TMEM182: variants seen among roughly 807,000 people sequenced by gnomAD.
TMEM182 encodes the protein transmembrane protein 182.
Under a neutral mutation model 26.8 loss-of-function variants are expected in TMEM182, and 20 were observed. The observed-to-expected ratio is 0.75, with a 90% CI of 0.53 to 1.09. TMEM182 has a LOEUF of 1.09. Among genes scored for constraint, TMEM182 ranks in the 50% least tolerant of loss-of-function variants. The pLI is 0.00. For missense variants in TMEM182, 277 were observed against 275.5 expected (o/e 1.01, Z -0.04); for synonymous variants, 109 against 102.2 (o/e 1.07, Z -0.40).
At chr2:102,807,500 A>G (rs1288147311) in intron 4 of TMEM182, among the ~76,000 whole-genome samples, 1 of 152,260 alleles carries the variant, frequency 6.6e-6, no homozygotes, top group Non-Finnish European at 1.5e-5. Flanking sequence ...CAAAAACACA[A>G]TTTTAAATCA....
intron 3 of TMEM182, among the ~76,000 whole-genome samples, chr2:102,841,813 A>G (rs946380266): frequency 2.6e-5 from 4 of 152,214 alleles, no homozygotes; most frequent in African/African-American, 7.2e-5. Flanking sequence ...ACTTGATGGC[A>G]TGGAAAGAAT....
chr2:102,758,542 A>G, upstream of TMEM182: 1 of 715,088 alleles, frequency 1.4e-6, no homozygotes, highest in Non-Finnish European at 2.6e-6. Flanking sequence ...GTTTGAAAAC[A>G]TCTGTACAGG....
At chr2:102,841,599 A>G (rs1683352130) in intron 3 of TMEM182, among the ~76,000 whole-genome samples, 1 of 152,248 alleles carries the variant, frequency 6.6e-6, no homozygotes, top group Non-Finnish European at 1.5e-5. Context: ...TGCTGTGAGC[A>G]TGCGGTGTCT....
chr2:102,748,041 G>A (rs1679767692), intron 1 of TMEM182, among the ~76,000 whole-genome samples: 1 of 152,154 alleles, frequency 6.6e-6, no homozygotes, highest in Non-Finnish European at 1.5e-5. Context: ...TGACTTAGAG[G>A]CCCATGCCCC....
chr2:102,794,310 AT>A (rs1210803125), intron 3 of TMEM182, among the ~76,000 whole-genome samples: 1 of 152,170 alleles, frequency 6.6e-6, no homozygotes, highest in African/African-American at 2.4e-5. Context: ...TATTATGCTG[AT>A]TTTTTAAATT....
chr2:102,839,782 C>T (rs1351199831), intron 3 of TMEM182, among the ~76,000 whole-genome samples: 4 of 152,108 alleles, frequency 2.6e-5, no homozygotes, highest in Non-Finnish European at 5.9e-5. Flanking sequence ...TGATGAATTG[C>T]CAAGGTGGTG....
intron 4 of TMEM182, among the ~76,000 whole-genome samples, chr2:102,810,227 G>A (rs897337506): frequency 4.6e-5 from 7 of 151,842 alleles, no homozygotes; most frequent in Non-Finnish European, 7.4e-5. Flanking sequence ...TTCATTTCTC[G>A]GGCTAAATTT....
intron 3 of TMEM182, among the ~76,000 whole-genome samples, chr2:102,794,636 C>T (rs1681791848): frequency 1.3e-5 from 2 of 152,160 alleles, no homozygotes; most frequent in Admixed American, 1.3e-4. Context: ...TTTTGGCTTC[C>T]ATCATTCTTG....
chr2:102,762,531 G>T, intron 1 of TMEM182, 56 bp from the exon 2 acceptor site: 7 of 1,571,972 alleles, frequency 4.5e-6, no homozygotes, highest in Non-Finnish European at 6.1e-6. Context: ...TGGCTGTAAT[G>T]ATTTTGATTA....
downstream of TMEM182, among the ~76,000 whole-genome samples, chr2:102,819,532 C>T (rs965613987): frequency 3.3e-5 from 5 of 151,992 alleles, no homozygotes; most frequent in African/African-American, 1.2e-4. Context: ...CTGTGGTATG[C>T]ATGTATATGT....
At chr2:102,789,859 C>T (rs963291479) in intron 3 of TMEM182, among the ~76,000 whole-genome samples, 6 of 152,108 alleles carry the variant, frequency 3.9e-5, no homozygotes, top group African/African-American at 1.2e-4. Context: ...CGGTGGCAGC[C>T]GCAGGGAGCA....
chr2:102,812,060 GTA>G (rs1172513325), intron 4 of TMEM182, among the ~76,000 whole-genome samples: 1 of 152,064 alleles, frequency 6.6e-6, no homozygotes, highest in Non-Finnish European at 1.5e-5. Flanking sequence ...ATTTATTTCT[GTA>G]TTATCTATCA....
chr2:102,801,730 C>G (rs1375822235), intron 4 of TMEM182, among the ~76,000 whole-genome samples: 1 of 152,118 alleles, frequency 6.6e-6, no homozygotes, highest in Non-Finnish European at 1.5e-5. Context: ...TTTCTTCTCC[C>G]TTTGCTGAGG....
intron 4 of TMEM182, among the ~76,000 whole-genome samples, chr2:102,807,728 C>T (rs1399204562): frequency 2.0e-5 from 3 of 152,230 alleles, no homozygotes; most frequent in South Asian, 2.1e-4. Flanking sequence ...TAGCTGGTCA[C>T]GCTGCACTAA....
intron 3 of TMEM182, among the ~76,000 whole-genome samples, chr2:102,768,989 A>G (rs1680571219): frequency 6.6e-6 from 1 of 152,122 alleles, no homozygotes; most frequent in East Asian, 1.9e-4. Flanking sequence ...CAGCTTCCAC[A>G]ATGATGCTGC....
downstream of TMEM182, among the ~76,000 whole-genome samples, chr2:102,821,035 A>G (rs765832243): frequency 6.6e-5 from 10 of 152,156 alleles, no homozygotes; most frequent in Non-Finnish European, 1.0e-4. Flanking sequence ...GGATTTCTCA[A>G]AGTCCTGCAG....
At chr2:102,758,109 C>G (rs1229560222), upstream of TMEM182, among the ~76,000 whole-genome samples, 3 of 152,056 alleles carry the variant, frequency 2.0e-5, no homozygotes, top group Admixed American at 6.6e-5. Flanking sequence ...AGTCAATATT[C>G]CCATAAGGAA....
chr2:102,799,753 T>C (rs895058261), intron 4 of TMEM182, among the ~76,000 whole-genome samples: 5 of 152,186 alleles, frequency 3.3e-5, no homozygotes, highest in African/African-American at 1.2e-4. Flanking sequence ...TTGTCCTTTG[T>C]GGCCAATTTT....
In TMEM182 at chr2:102,824,382, G is replaced by A. The variant is rs1682990334; in HGVS notation, c.326-19030G>A. On this transcript the variant is annotated intron_variant, in intron 3 of 3. Transcript: ENST00000486293. ...ATGTCGAATCATAATCCCCAGTGTT[G>A]GAGGAGGAGTCTGGTGGGAGGTGTT... is the stretch of plus-strand genomic sequence containing the variant. Among the ~76,000 whole-genome samples the A allele has an allele frequency of 3.9e-5, 6 of 152,294 alleles. No individual in the cohort carries two copies. The South Asian group carries it at 1.2e-3, about 32-fold the overall frequency.
Sources: allele counts gnomAD v4.1 joint callset (sites outside exome capture counted in the v4.1 genomes callset), GRCh38; gene constraint gnomAD v4.1.1; transcripts MANE v1.5; gene names NCBI Gene and HGNC (gene_info 2026-07-23, HGNC 2026-07-21).